CFAP77: variants seen among roughly 807,000 people sequenced by gnomAD.
CFAP77 encodes the protein cilia and flagella associated protein 77.
A neutral mutation model predicts 31.1 loss-of-function variants in CFAP77; 25 were observed. That is an observed-to-expected ratio of 0.80 (90% confidence interval 0.59 to 1.12). CFAP77 has a LOEUF of 1.12. Ranked by LOEUF, CFAP77 falls within the 50% of genes most tolerant of loss-of-function variation. The pLI is 0.00. For missense variants in CFAP77, 377 were observed against 397.3 expected (o/e 0.95, Z 0.44); for synonymous variants, 151 against 159.9 (o/e 0.94, Z 0.42).
At chr9:132,425,396 TCCCCTCTCTCAATGCTCC>T (rs1486855657) in intron 1 of CFAP77, among the ~76,000 whole-genome samples, 1 of 151,904 alleles carries the variant, frequency 6.6e-6, no homozygotes, top group African/African-American at 2.4e-5. Flanking sequence ...CGCTCCCCAG[TCCCCTCTCTCAATGCTCC>T]CCCCTCCTTA....
chr9:132,433,816 G>A (rs1414641192), intron 1 of CFAP77, among the ~76,000 whole-genome samples: 2 of 152,016 alleles, frequency 1.3e-5, no homozygotes, highest in African/African-American at 4.8e-5. Context: ...CCAAAGTGCT[G>A]TGATTACAGG....
At chr9:132,440,650 T>C (rs1391544987) in intron 1 of CFAP77, among the ~76,000 whole-genome samples, 4 of 152,258 alleles carry the variant, frequency 2.6e-5, no homozygotes, top group Admixed American at 2.6e-4. Context: ...TTGACAATTA[T>C]GATTAACATC....
intron 1 of CFAP77, among the ~76,000 whole-genome samples, chr9:132,410,906 C>T (rs1849982936): frequency 6.6e-6 from 1 of 152,200 alleles, no homozygotes; most frequent in African/African-American, 2.4e-5. Context: ...TGGGGTACGT[C>T]TATGCAGCGG....
chr9:132,524,701 T>G (rs1050169235), intron 3 of CFAP77, among the ~76,000 whole-genome samples: 3 of 152,162 alleles, frequency 2.0e-5, no homozygotes, highest in African/African-American at 7.2e-5. Context: ...CAGGCTGGAG[T>G]GCAGTGGCGT....
At position 132,497,103 on chromosome 9, in the gene CFAP77, T is replaced by C. The variant is rs923756031; in HGVS notation, c.196-1592T>C. On this transcript the variant is annotated intron_variant, in intron 1 of 5. Transcript: ENST00000393216. This position sits in a 1 kb window ranked among gnomAD's most constrained non-coding sequence, Gnocchi z 4.9. ...ATGGAGGTGGCTGGGATGCCTGCGA[T>C]CCTTCAGATGAGGGGGAGTGGGTTT... Among the ~76,000 whole-genome samples the C allele has an allele frequency of 6.6e-6, 1 of 150,590 alleles. No individual in the cohort carries two copies. Among genetic ancestry groups the C allele is most frequent in the Non-Finnish European group, 1.5e-5 (1 of 67,822 alleles).
At chr9:132,543,634 G>A (rs1852684015) in intron 5 of CFAP77, among the ~76,000 whole-genome samples, 1 of 152,228 alleles carries the variant, frequency 6.6e-6, no homozygotes, top group African/African-American at 2.4e-5. Flanking sequence ...CAAGACAGAT[G>A]CATGCCAACC....
At chr9:132,411,145 C>T (rs575239304) in intron 1 of CFAP77, among the ~76,000 whole-genome samples, 1 of 152,340 alleles carries the variant, frequency 6.6e-6, no homozygotes, top group South Asian at 2.1e-4. Context: ...GGGAAACCAA[C>T]ACTGCTGTGG....
intron 1 of CFAP77, among the ~76,000 whole-genome samples, chr9:132,411,028 T>C (rs1306211749): frequency 6.6e-6 from 1 of 152,234 alleles, no homozygotes; most frequent in African/African-American, 2.4e-5. Flanking sequence ...ATCTTTGGCC[T>C]AGGAGGCTCC....
intron 5 of CFAP77, among the ~76,000 whole-genome samples, chr9:132,566,508 T>C (rs1353184404): frequency 1.3e-5 from 2 of 152,212 alleles, no homozygotes; most frequent in Admixed American, 6.5e-5. Flanking sequence ...ATGCCAGTTC[T>C]GGCCTCCAGG....
At chr9:132,471,118 G>T (rs946856576) in intron 1 of CFAP77, among the ~76,000 whole-genome samples, 2 of 152,208 alleles carry the variant, frequency 1.3e-5, no homozygotes, top group African/African-American at 4.8e-5. Context: ...CCTGATGGGT[G>T]AGTTGGCCTC....
chr9:132,552,644 C>T lies in CFAP77; in HGVS notation c.732+9597C>T, dbSNP rs1410954779. Among the ~76,000 whole-genome samples, 5 of 149,702 alleles carry T rather than the reference C, an allele frequency of 3.3e-5. No homozygotes were observed. The highest frequency in any genetic ancestry group is 4.9e-5 in the African/African-American group (2 of 40,524). ...CTGGGAGGTTGAGGTTGCTGTGAGC[C>T]GAGATCACGCCACTGCACTCCAGCC... On this transcript the variant is annotated intron_variant, in intron 5 of 5. Coordinates refer to ENST00000393216, the MANE Select transcript of CFAP77 (RefSeq NM_001282957.2). The surrounding 1 kb of genome is among the most constrained non-coding windows in gnomAD (Gnocchi z 5.5).
intron 5 of CFAP77, among the ~76,000 whole-genome samples, chr9:132,544,803 T>C (rs1852708131): frequency 6.6e-6 from 1 of 152,180 alleles, no homozygotes; most frequent in African/African-American, 2.4e-5. Context: ...GCTACCTCCC[T>C]GCTCCTTTCT....
In CFAP77 at chr9:132,487,463, G is replaced by A. The variant is rs183463633; in HGVS notation, c.196-11232G>A. Among the ~76,000 whole-genome samples the A allele has an allele frequency of 2.0e-5, 3 of 152,276 alleles. No individual in the cohort carries two copies. The East Asian group carries it at 5.8e-4, about 29-fold the overall frequency. ...GAAACATATAACTTAACTCTATTGT[G>A]TGGCTTTTTAAATTATAAAAGTAAA... is the stretch of plus-strand genomic sequence containing the variant. On this transcript the variant is annotated intron_variant, in intron 1 of 5. Transcript: ENST00000393216.
chr9:132,461,458 G>C (rs1167095982), intron 1 of CFAP77, among the ~76,000 whole-genome samples: 1 of 152,148 alleles, frequency 6.6e-6, no homozygotes, highest in East Asian at 1.9e-4. Context: ...CTTCTGGCTC[G>C]GGGACCATGT....
intron 1 of CFAP77, among the ~76,000 whole-genome samples, chr9:132,473,803 C>T (rs1851302391): frequency 6.6e-6 from 1 of 152,230 alleles, no homozygotes; most frequent in Non-Finnish European, 1.5e-5. Flanking sequence ...CCTGCCTCAG[C>T]CTCCCAAGTA....
chr9:132,440,240 G>A (rs775585435), intron 1 of CFAP77, among the ~76,000 whole-genome samples: 5 of 152,072 alleles, frequency 3.3e-5, no homozygotes, highest in Non-Finnish European at 7.4e-5. Flanking sequence ...GAGAGGTCGA[G>A]GAGAGAGGAT....
At chr9:132,448,880 C>T (rs1397067553) in intron 1 of CFAP77, among the ~76,000 whole-genome samples, 1 of 152,190 alleles carries the variant, frequency 6.6e-6, no homozygotes, top group Non-Finnish European at 1.5e-5. Flanking sequence ...AGCCACCATG[C>T]CTGCCTGAAG....
chr9:132,465,087 A>AAG (rs1554739865), intron 1 of CFAP77, among the ~76,000 whole-genome samples: 16 of 146,462 alleles, frequency 1.1e-4, no homozygotes, highest in African/African-American at 4.4e-4. Flanking sequence ...AAAAAAAAAA[A>AAG]AAAAAAGAAA....
At chr9:132,492,325 A>T (rs1851665858) in intron 1 of CFAP77, among the ~76,000 whole-genome samples, 1 of 152,116 alleles carries the variant, frequency 6.6e-6, no homozygotes, top group African/African-American at 2.4e-5. Flanking sequence ...ACAAAACAAC[A>T]ACAACAAAAA....
Sources: allele counts gnomAD v4.1 joint callset (sites outside exome capture counted in the v4.1 genomes callset), GRCh38; gene constraint gnomAD v4.1.1; non-coding constraint Gnocchi (gnomAD v3.1); transcripts MANE v1.5; gene names NCBI Gene and HGNC (gene_info 2026-07-23, HGNC 2026-07-21).